FXYD6: variants seen among roughly 807,000 people sequenced by gnomAD.
FXYD6 encodes the protein FXYD domain-containing ion transport regulator 6.
Under a neutral mutation model 16.7 loss-of-function variants are expected in FXYD6, and 7 were observed. The observed-to-expected ratio is 0.42, with a 90% CI of 0.24 to 0.79. The LOEUF (loss-of-function observed/expected upper bound fraction) is 0.79. FXYD6 is among the 30% of genes least tolerant of loss of function. FXYD6 has a pLI of 0.28. For synonymous variants in FXYD6, 49 were observed against 43.0 expected (o/e 1.14, Z -0.54); for missense variants, 111 against 116.2 (o/e 0.95, Z 0.21).
At chr11:117,859,418 C>T (rs1402375933) in intron 1 of FXYD6, among the ~76,000 whole-genome samples, 7 of 152,088 alleles carry the variant, frequency 4.6e-5, no homozygotes, top group Non-Finnish European at 8.8e-5. Flanking sequence ...CTATGGATGC[C>T]ACAGAAGAAA....
At chr11:117,862,346 C>T (rs2134189786) in intron 1 of FXYD6, among the ~76,000 whole-genome samples, 1 of 152,306 alleles carries the variant, frequency 6.6e-6, no homozygotes. Context: ...CTCCACCATG[C>T]CCTAGGTGCC....
intron 1 of FXYD6, among the ~76,000 whole-genome samples, chr11:117,850,396 TCCC>T (rs2056580307): frequency 6.6e-6 from 1 of 152,226 alleles, no homozygotes; most frequent in African/African-American, 2.4e-5. Context: ...GTAGTGATCC[TCCC>T]TGTCTTAAAT....
At chr11:117,871,162 C>T (rs2057126639) in intron 1 of FXYD6, among the ~76,000 whole-genome samples, 1 of 152,166 alleles carries the variant, frequency 6.6e-6, no homozygotes, top group South Asian at 2.1e-4. Context: ...AAGCATCTCT[C>T]AGACCTCAGA....
intron 1 of FXYD6, among the ~76,000 whole-genome samples, chr11:117,858,899 C>A (rs947751871): frequency 1.3e-4 from 19 of 151,770 alleles, no homozygotes. Flanking sequence ...CCTCAGCCTC[C>A]CGAGTAGCTG....
Position 117,837,732 on chromosome 11 carries a change from T to C in FXYD6, c.*567A>G, listed in dbSNP as rs756051263. ...GTGGGATAAGGAAGCAAGGTTTTTG[T>C]TAAAGGAGTGAAAGGAGTCCATGAA... On this transcript the variant is annotated 3_prime_UTR_variant, in exon 8 of 8. Coordinates refer to ENST00000526014, the MANE Select transcript of FXYD6 (RefSeq NM_022003.4). This position sits in a 1 kb window ranked among gnomAD's most constrained non-coding sequence, Gnocchi z 4.4. 6 of 161,746 alleles carry C rather than the reference T, an allele frequency of 3.7e-5. No individual in the cohort carries two copies. The highest frequency in any genetic ancestry group is 6.8e-5 in the Non-Finnish European group (5 of 73,116). 10.0% of individuals were successfully genotyped at this position (161,746 alleles called of 1,614,324 possible).
At chr11:117,862,569 G>A (rs1452194045) in intron 1 of FXYD6, among the ~76,000 whole-genome samples, 5 of 152,138 alleles carry the variant, frequency 3.3e-5, no homozygotes, top group African/African-American at 9.7e-5. Context: ...ATCCCAGACC[G>A]AGGCCCAGCC....
chr11:117,864,222 A>T (rs917671738), intron 1 of FXYD6, among the ~76,000 whole-genome samples: 3 of 152,266 alleles, frequency 2.0e-5, no homozygotes, highest in Admixed American at 2.0e-4. Context: ...GTATCAAAAC[A>T]GTGTGTGACA....
At position 117,842,885 on chromosome 11, in the gene FXYD6, C is replaced by T. The variant is rs1201304122; in HGVS notation, c.-5-104G>A. The T allele has an allele frequency of 6.6e-6, 8 of 1,218,270 alleles. No individual in the cohort carries two copies. The African/African-American group carries it at 9.3e-5, about 14-fold the overall frequency. The allele number at this position is 1,218,270 out of a possible 1,614,324, so 75.5% of individuals were successfully genotyped here. On this transcript the variant is annotated intron_variant, in intron 1 of 7. Coordinates refer to ENST00000526014, the MANE Select transcript of FXYD6 (RefSeq NM_022003.4). ...GGGCCAAGCCAAATCCCCAGCTTTG[C>T]TCTGCACTCATGACTTGGTGAGGGT...
chr11:117,842,627 C>G (rs1591553400), intron 2 of FXYD6, 92 bp downstream of exon 2: 15 of 1,306,584 alleles, frequency 1.1e-5, no homozygotes, highest in Non-Finnish European at 1.5e-5. Context: ...AGTCCCCCAG[C>G]CCTAATGTCC....
In FXYD6 at chr11:117,842,889, G is replaced by A. The variant is rs974261922; in HGVS notation, c.-5-108C>T. On this transcript the variant is annotated intron_variant, in intron 1 of 7. Coordinates refer to ENST00000526014, the MANE Select transcript of FXYD6 (RefSeq NM_022003.4). ...CAAGCCAAATCCCCAGCTTTGCTCT[G>A]CACTCATGACTTGGTGAGGGTTCAA... The A allele has an allele frequency of 3.4e-6, 4 of 1,173,630 alleles. No individual in the cohort carries two copies. In the Admixed American group the frequency reaches 7.6e-5, roughly 22 times the overall value. The allele number at this position is 1,173,630 out of a possible 1,614,324, so 72.7% of individuals were successfully genotyped here.
intron 1 of FXYD6, among the ~76,000 whole-genome samples, chr11:117,857,650 G>A (rs2056765177): frequency 6.6e-6 from 1 of 151,990 alleles, no homozygotes; most frequent in Admixed American, 6.5e-5. Flanking sequence ...CTCGTGAGCC[G>A]CCCACCTCAA....
intron 1 of FXYD6, among the ~76,000 whole-genome samples, chr11:117,871,834 A>T (rs1357509228): frequency 2.0e-5 from 3 of 152,178 alleles, no homozygotes; most frequent in Non-Finnish European, 4.4e-5. Flanking sequence ...GAAATCCAGG[A>T]AGCATCAGAA....
chr11:117,864,173 C>T (rs566071777), intron 1 of FXYD6, among the ~76,000 whole-genome samples: 9 of 152,296 alleles, frequency 5.9e-5, no homozygotes, highest in Admixed American at 1.3e-4. Context: ...AGCTGAAGGA[C>T]TCAAGCTTCC....
rs183035348 is a variant in FXYD6 at position 117,862,007 on chromosome 11, C to T, written c.-6+14585G>A. On this transcript the variant is annotated intron_variant, in intron 1 of 7. Transcript: ENST00000526014. ...CAGGCCCAAACTGAGGGCACCCCCA[C>T]GAGAGACACAGAAGCAAGACAGACA... Among the ~76,000 whole-genome samples, 7 of 152,198 alleles carry T rather than the reference C, an allele frequency of 4.6e-5. No homozygotes were observed. In the East Asian group the frequency reaches 7.7e-4, roughly 17 times the overall value.
chr11:117,866,163 T>C (rs1218614092), intron 1 of FXYD6, among the ~76,000 whole-genome samples: 2 of 151,936 alleles, frequency 1.3e-5, no homozygotes, highest in African/African-American at 4.8e-5. Context: ...GAGTGAGTGT[T>C]TAATGGGTAT....
At position 117,841,122 on chromosome 11, in the gene FXYD6, C is replaced by T. The variant is rs371561766; in HGVS notation, c.209+26G>A. ...CCTGTCCCACCTAGTATCACCCCCC[C>T]AAGGCCACTGCCACGGCATCCTTAC... On this transcript the variant is annotated intron_variant, in intron 5 of 7. Transcript: ENST00000526014. 2.7e-5 allele frequency: 43 copies of T among 1,613,858 alleles called. No homozygotes were observed. In the African/African-American group the frequency reaches 3.9e-4, roughly 15 times the overall value.
intron 1 of FXYD6, among the ~76,000 whole-genome samples, chr11:117,866,080 C>T (rs1037805186): frequency 2.0e-5 from 3 of 151,878 alleles, no homozygotes; most frequent in Non-Finnish European, 2.9e-5. Context: ...ATATGAGGCA[C>T]GTAGAGTAGT....
Position 117,872,980 on chromosome 11 carries a change from A to G in FXYD6, c.-6+3612T>C, listed in dbSNP as rs541560526. Reference sequence around the variant, plus strand: ...GAAGATTTCATGGACCTCCAAAATGACAGCCCAGTCCTCTCCAGTTGTCTC... The same window carrying G: ...GAAGATTTCATGGACCTCCAAAATGGCAGCCCAGTCCTCTCCAGTTGTCTC... On this transcript the variant is annotated intron_variant, in intron 1 of 7. Transcript: ENST00000526014. The surrounding 1 kb of genome is among the most constrained non-coding windows in gnomAD (Gnocchi z 4.9). Among the ~76,000 whole-genome samples the G allele has an allele frequency of 8.5e-5, 13 of 152,142 alleles. No homozygotes were observed. The highest frequency in any genetic ancestry group is 6.2e-4 in the South Asian group (3 of 4,816).
At chr11:117,857,557 C>T (rs941331507) in intron 1 of FXYD6, among the ~76,000 whole-genome samples, 18 of 152,000 alleles carry the variant, frequency 1.2e-4, no homozygotes, top group Admixed American at 4.6e-4. Flanking sequence ...TACAGGCACG[C>T]GCCACCATGC....
Sources: gnomAD v4.1 joint callset for allele counts (sites outside exome capture counted in the v4.1 genomes callset) on GRCh38, gnomAD v4.1.1 for gene constraint, Gnocchi (gnomAD v3.1) non-coding constraint, MANE v1.5 for transcripts, NCBI Gene and HGNC (gene_info 2026-07-23, HGNC 2026-07-21) for gene names.